Variants in ENPP6 observed in about 807,000 individuals in gnomAD.
The protein encoded by ENPP6 is ectonucleotide pyrophosphatase/phosphodiesterase 6.
A neutral mutation model predicts 42.0 loss-of-function variants in ENPP6; 32 were observed. The observed-to-expected ratio is 0.76, with a 90% confidence interval of 0.58 to 1.02. The LOEUF (loss-of-function observed/expected upper bound fraction) is 1.02. Ranked by LOEUF, ENPP6 falls within the 50% of genes least tolerant of loss-of-function variation. The pLI is 0.00. For missense variants in ENPP6, 552 were observed against 566.8 expected, an observed-to-expected ratio of 0.97 and a Z score of 0.27; for synonymous variants, 213 against 216.0, an observed-to-expected ratio of 0.99 and a Z score of 0.12.
chr4:184,147,368 C>G (rs931965785), intron 2 of ENPP6, among the ~76,000 whole-genome samples: 17 of 152,192 alleles, frequency 1.1e-4, no homozygotes, highest in Admixed American at 9.2e-4. Context: ...ATTCACCCAC[C>G]CTGGATGTCT....
intron 1 of ENPP6, among the ~76,000 whole-genome samples, chr4:184,158,530 T>G (rs539162404): frequency 2.0e-4 from 30 of 152,336 alleles, no homozygotes; most frequent in African/African-American, 6.0e-4. Context: ...AATTTATGAG[T>G]ATTTTATAAT....
At chr4:184,116,152 G>A (rs1156743966) in intron 5 of ENPP6, among the ~76,000 whole-genome samples, 1 of 152,206 alleles carries the variant, frequency 6.6e-6, no homozygotes, top group African/African-American at 2.4e-5. Context: ...GAACCCGGGA[G>A]GCAAAGCTTG....
intron 1 of ENPP6, among the ~76,000 whole-genome samples, chr4:184,180,128 A>G (rs7665100): frequency 0.8 from 121,070 of 152,014 alleles, 51,550 homozygotes; most frequent in East Asian, 1. Flanking sequence ...TAGCTAGACT[A>G]ATAAAGAAGA....
intron 2 of ENPP6, among the ~76,000 whole-genome samples, chr4:184,136,926 A>G (rs1376338604): frequency 1.3e-5 from 2 of 151,958 alleles, no homozygotes; most frequent in African/African-American, 4.8e-5. Flanking sequence ...TCCTGCTGTG[A>G]CCCCTTCACT....
At chr4:184,209,093 C>T (rs1733064296) in intron 1 of ENPP6, among the ~76,000 whole-genome samples, 1 of 149,486 alleles carries the variant, frequency 6.7e-6, no homozygotes, top group African/African-American at 2.5e-5. Flanking sequence ...TGTACATCAC[C>T]GTCATCAAAG....
chr4:184,115,419 C>G (rs1736296575), intron 5 of ENPP6, among the ~76,000 whole-genome samples: 2 of 152,304 alleles, frequency 1.3e-5, no homozygotes, highest in African/African-American at 4.8e-5. Context: ...GGTAGGTCAC[C>G]AGCTACTGCC....
intron 1 of ENPP6, among the ~76,000 whole-genome samples, chr4:184,208,611 T>TGCTA (rs1733045138): frequency 6.6e-6 from 1 of 150,708 alleles, no homozygotes; most frequent in Non-Finnish European, 1.5e-5. Flanking sequence ...TCTCGCTGAT[T>TGCTA]GCTAGCACAG....
At chr4:184,194,597 T>C (rs1732764740) in intron 1 of ENPP6, among the ~76,000 whole-genome samples, 1 of 152,228 alleles carries the variant, frequency 6.6e-6, no homozygotes. Context: ...ACAGAGCCCC[T>C]GTGGGACTGC....
At chr4:184,103,969 G>A (rs1408814893) in intron 6 of ENPP6, among the ~76,000 whole-genome samples, 1 of 152,114 alleles carries the variant, frequency 6.6e-6, no homozygotes, top group African/African-American at 2.4e-5. Context: ...GGAGCAAAGC[G>A]CTGGAGAAAA....
chr4:184,210,183 G>A (rs1488322618), intron 1 of ENPP6, among the ~76,000 whole-genome samples: 1,547 of 148,566 alleles, frequency 0.01, 49 homozygotes, highest in African/African-American at 0.036. Context: ...ATCAACTAAC[G>A]AGCAAAATCA....
At chr4:184,173,166 A>G (rs1260107846) in intron 1 of ENPP6, among the ~76,000 whole-genome samples, 1 of 152,014 alleles carries the variant, frequency 6.6e-6, no homozygotes, top group African/African-American at 2.4e-5. Flanking sequence ...CAGCCTCCCA[A>G]AGTGCTGGGA....
Position 184,208,615 on chromosome 4 carries a change from A to G in ENPP6, c.241+8964T>C, listed in dbSNP as rs917173636. 3.2e-4 allele frequency among the ~76,000 whole-genome samples: 48 copies of G among 150,848 alleles called. 1 individual carries two copies. Among genetic ancestry groups the G allele is most frequent in the Admixed American group, 1.7e-3 (26 of 15,138 alleles). On this transcript the variant is annotated intron_variant, in intron 1 of 7. Transcript: ENST00000296741. ...CGCCCACGGAGTCTCGCTGATTGCT[A>G]GCACAGCGGTCTGAGATCAAACTGC...
intron 2 of ENPP6, among the ~76,000 whole-genome samples, chr4:184,124,601 T>A (rs879630640): frequency 6.6e-6 from 1 of 152,214 alleles, no homozygotes; most frequent in East Asian, 1.9e-4. Context: ...ATTTCTTCAA[T>A]AGATTTTTCA....
intron 1 of ENPP6, among the ~76,000 whole-genome samples, chr4:184,181,935 A>G (rs995413402): frequency 2.0e-5 from 3 of 152,172 alleles, no homozygotes; most frequent in Admixed American, 2.0e-4. Context: ...AATACCACCC[A>G]GGACATAGGC....
intron 2 of ENPP6, among the ~76,000 whole-genome samples, chr4:184,126,779 GA>G (rs1288216410): frequency 6.6e-6 from 1 of 152,188 alleles, no homozygotes; most frequent in African/African-American, 2.4e-5. Flanking sequence ...GTGGAAAAAT[GA>G]ATCTAACTAA....
At chr4:184,099,756 C>T (rs1215426017) in intron 6 of ENPP6, among the ~76,000 whole-genome samples, 1 of 152,250 alleles carries the variant, frequency 6.6e-6, no homozygotes, top group Non-Finnish European at 1.5e-5. Context: ...GTTTCTTTCA[C>T]TTACTGCATC....
At chr4:184,101,621 G>A (rs897609044) in intron 6 of ENPP6, among the ~76,000 whole-genome samples, 1 of 152,128 alleles carries the variant, frequency 6.6e-6, no homozygotes, top group African/African-American at 2.4e-5. Context: ...AACTCTCCTG[G>A]TTTGCAGCTG....
intron 1 of ENPP6, among the ~76,000 whole-genome samples, chr4:184,204,644 T>C (rs975961209): frequency 6.6e-6 from 1 of 152,222 alleles, no homozygotes; most frequent in Non-Finnish European, 1.5e-5. Flanking sequence ...TTTCATCTCC[T>C]ACTTTGACAC....
chr4:184,181,191 T>C (rs1477752660), intron 1 of ENPP6, among the ~76,000 whole-genome samples: 1 of 152,052 alleles, frequency 6.6e-6, no homozygotes, highest in Non-Finnish European at 1.5e-5. Context: ...TGTGGAAAAA[T>C]CACAAGCATT....
Sources: gnomAD v4.1 joint callset for allele counts (sites outside exome capture counted in the v4.1 genomes callset) on GRCh38, gnomAD v4.1.1 for gene constraint, MANE v1.5 for transcripts, NCBI Gene and HGNC (gene_info 2026-07-23, HGNC 2026-07-21) for gene names.